TANGO6: variants seen among roughly 807,000 people sequenced by gnomAD.
TANGO6 encodes transport and Golgi organization protein 6 homolog.
TANGO6 carries 90 observed loss-of-function variants against 114.2 expected under a neutral mutation model. That is an observed-to-expected ratio of 0.79 (90% CI 0.66 to 0.94). TANGO6 has a LOEUF of 0.94. TANGO6 is among the 40% of genes least tolerant of loss of function. The probability of loss-of-function intolerance (pLI) is 0.00; values close to 1 mark genes in which losing one functional copy is unlikely to be tolerated. For synonymous variants in TANGO6, 477 were observed against 509.8 expected, an observed-to-expected ratio of 0.94 and a Z score of 0.87; for missense variants, 1,274 against 1,315.3, an observed-to-expected ratio of 0.97 and a Z score of 0.49.
intron 1 of TANGO6, among the ~76,000 whole-genome samples, chr16:68,855,289 T>C (rs1253310357): frequency 6.6e-6 from 1 of 152,100 alleles, no homozygotes; most frequent in South Asian, 2.1e-4. Context: ...TTATCCTAAA[T>C]TAAAGTTTTA....
intron 16 of TANGO6, among the ~76,000 whole-genome samples, chr16:69,032,822 G>C (rs1240129656): frequency 1.3e-5 from 2 of 151,236 alleles, no homozygotes; most frequent in Non-Finnish European, 2.9e-5. Flanking sequence ...GTTGCAGTGG[G>C]CCAAGATCAC....
chr16:68,867,278 G>A lies in TANGO6; in HGVS notation c.994+58G>A, dbSNP rs758901632. 5.6e-6 allele frequency: 9 copies of A among 1,605,402 alleles called. No individual in the cohort carries two copies. In the East Asian group the frequency reaches 1.1e-4, roughly 20 times the overall value. On this transcript the variant is annotated intron_variant, in intron 4 of 17. Coordinates refer to ENST00000261778, the MANE Select transcript of TANGO6 (RefSeq NM_024562.2). ...TCTGTTTTCCTTTGAGTCAGAGTCTGAGGTGAATTATTGGTCTTTAGTATT... is the reference window on the plus strand; with the variant it reads ...TCTGTTTTCCTTTGAGTCAGAGTCTAAGGTGAATTATTGGTCTTTAGTATT...
chr16:69,083,048 G>A (rs1358304386), intron 17 of TANGO6, among the ~76,000 whole-genome samples: 4 of 151,084 alleles, frequency 2.6e-5, no homozygotes, highest in African/African-American at 4.9e-5. Context: ...GAGGGCTAGC[G>A]CCACCCCTGC....
At chr16:69,068,142 G>T (rs549678477) in intron 17 of TANGO6, among the ~76,000 whole-genome samples, 2 of 143,442 alleles carry the variant, frequency 1.4e-5, no homozygotes, top group East Asian at 2.0e-4. Flanking sequence ...CTCTTGTCTT[G>T]AAAAAAAAAA....
In TANGO6 at chr16:68,862,932, A is replaced by T. The variant is rs371692907; in HGVS notation, c.736-13A>T. Reference sequence around the variant, plus strand: ...TTTGAATTCCACTAAAGCCAAGTGCATATTTCTTTTAGGTTCTAACTGAAG... The same window carrying T: ...TTTGAATTCCACTAAAGCCAAGTGCTTATTTCTTTTAGGTTCTAACTGAAG... On this transcript the variant is annotated splice_polypyrimidine_tract_variant and intron_variant, in intron 2 of 17. Coordinates refer to ENST00000261778, the MANE Select transcript of TANGO6 (RefSeq NM_024562.2). The T allele has an allele frequency of 1.9e-5, 30 of 1,550,726 alleles. No homozygotes were observed. The African/African-American group carries it at 3.0e-4, about 15-fold the overall frequency.
intron 17 of TANGO6, among the ~76,000 whole-genome samples, chr16:69,075,204 T>C (rs1452432557): frequency 1.3e-5 from 2 of 151,408 alleles, no homozygotes; most frequent in Non-Finnish European, 2.9e-5. Flanking sequence ...AGATGGGGTC[T>C]AAGTCTCTCT....
intron 10 of TANGO6, among the ~76,000 whole-genome samples, chr16:68,908,871 A>T (rs1962886475): frequency 6.6e-6 from 1 of 152,204 alleles, no homozygotes; most frequent in Non-Finnish European, 1.5e-5. Context: ...GTGTTTTATT[A>T]TGAGATTTTA....
At chr16:69,013,553 T>G (rs251107) in intron 15 of TANGO6, among the ~76,000 whole-genome samples, 107,835 of 150,462 alleles carry the variant, frequency 0.72, 39,332 homozygotes, top group African/African-American at 0.87. Flanking sequence ...GGAGGTCAAG[T>G]CTGCAATAAG....
intron 9 of TANGO6, among the ~76,000 whole-genome samples, chr16:68,906,167 C>T (rs1962847422): frequency 6.6e-6 from 1 of 151,824 alleles, no homozygotes; most frequent in African/African-American, 2.4e-5. Context: ...GCAACAGGAG[C>T]GAGATTCTAT....
chr16:68,951,423 G>A (rs1050247032), intron 14 of TANGO6, among the ~76,000 whole-genome samples: 1 of 152,076 alleles, frequency 6.6e-6, no homozygotes, highest in Non-Finnish European at 1.5e-5. Context: ...GCAAGGTATA[G>A]GAGTCAGTAT....
chr16:68,916,370 G>A (rs1339785299), intron 11 of TANGO6, among the ~76,000 whole-genome samples: 1 of 152,112 alleles, frequency 6.6e-6, no homozygotes, highest in African/African-American at 2.4e-5. Flanking sequence ...AGGGATCTAG[G>A]TTGCGCAGTC....
At chr16:68,942,792 T>C (rs1302385337) in intron 14 of TANGO6, among the ~76,000 whole-genome samples, 1 of 152,100 alleles carries the variant, frequency 6.6e-6, no homozygotes, top group Non-Finnish European at 1.5e-5. Context: ...GGGGAGAAAA[T>C]GCTAAATGCA....
intron 14 of TANGO6, among the ~76,000 whole-genome samples, chr16:68,959,843 G>A (rs531791544): frequency 6.6e-6 from 1 of 152,326 alleles, no homozygotes; most frequent in South Asian, 2.1e-4. Context: ...AGTCAGCTCT[G>A]CTGATTCTGC....
At chr16:69,013,217 A>G (rs571674130) in intron 15 of TANGO6, among the ~76,000 whole-genome samples, 1 of 152,118 alleles carries the variant, frequency 6.6e-6, no homozygotes, top group African/African-American at 2.4e-5. Flanking sequence ...CATGCTGTAT[A>G]CCAGGTTGTT....
rs934594407 is a variant in TANGO6, at chr16:69,049,125, A to G, written c.3108+8704A>G. On this transcript the variant is annotated intron_variant, in intron 17 of 17. Coordinates refer to ENST00000261778, the MANE Select transcript of TANGO6 (RefSeq NM_024562.2). ...TATAAAATTCACCCTTTCAAAGTAT[A>G]TAATTCTGCAATTTTAGCATATTCA... Among the ~76,000 whole-genome samples the G allele has an allele frequency of 2.0e-5, 3 of 152,340 alleles. No homozygotes were observed. The East Asian group carries it at 5.8e-4, about 29-fold the overall frequency.
At chr16:68,848,804 AATT>A (rs1961856298) in intron 1 of TANGO6, among the ~76,000 whole-genome samples, 1 of 151,988 alleles carries the variant, frequency 6.6e-6, no homozygotes, top group Non-Finnish European at 1.5e-5. Flanking sequence ...TTGATGTTTC[AATT>A]ATTGTATTCC....
At chr16:69,075,969 T>C (rs760520232) in intron 17 of TANGO6, among the ~76,000 whole-genome samples, 4 of 151,762 alleles carry the variant, frequency 2.6e-5, no homozygotes, top group Non-Finnish European at 4.4e-5. Context: ...TTCACCATGT[T>C]GGCCAGGATG....
At chr16:68,907,292 G>C in intron 9 of TANGO6, 151 bp from the exon 10 acceptor site, 1 of 962,756 alleles carries the variant, frequency 1.0e-6, no homozygotes, top group South Asian at 2.8e-5. Context: ...TCAGAATGGA[G>C]AAACAATAAA....
chr16:69,036,495 C>T (rs1959688749), intron 16 of TANGO6, among the ~76,000 whole-genome samples: 1 of 152,146 alleles, frequency 6.6e-6, no homozygotes, highest in Admixed American at 6.6e-5. Flanking sequence ...CTTCTGTTCT[C>T]GGGCCTCTTC....
Sources: allele counts gnomAD v4.1 joint callset (sites outside exome capture counted in the v4.1 genomes callset), GRCh38; gene constraint gnomAD v4.1.1; transcripts MANE v1.5; gene names NCBI Gene and HGNC (gene_info 2026-07-23, HGNC 2026-07-21).